Variants in FRMD6 observed in about 807,000 individuals in gnomAD.
The protein encoded by FRMD6 is FERM domain containing 6, also known as FERM domain-containing protein 6.
A neutral mutation model predicts 73.2 loss-of-function variants in FRMD6; 37 were observed. The observed-to-expected ratio is 0.51, with a 90% CI of 0.39 to 0.66. The LOEUF is 0.66. Among genes scored for constraint, FRMD6 ranks in the 30% least tolerant of loss-of-function variants. The probability of loss-of-function intolerance (pLI) is 0.00; values close to 1 mark genes in which losing one functional copy is unlikely to be tolerated. For missense variants in FRMD6, 714 were observed against 780.5 expected, an observed-to-expected ratio of 0.91 and a Z score of 1.02; for synonymous variants, 273 against 282.2, an observed-to-expected ratio of 0.97 and a Z score of 0.33.
At chr14:51,578,276 C>A (rs989564935) in intron 2 of FRMD6, among the ~76,000 whole-genome samples, 1 of 151,998 alleles carries the variant, frequency 6.6e-6, no homozygotes, top group Non-Finnish European at 1.5e-5. Context: ...AAAACTTCCA[C>A]TGAAATATAA....
intron 1 of FRMD6, among the ~76,000 whole-genome samples, chr14:51,518,768 G>A (rs1884780373): frequency 1.3e-5 from 2 of 152,090 alleles, no homozygotes; most frequent in African/African-American, 2.4e-5. Context: ...TTCCCACCTG[G>A]GATATTGCTG....
intron 5 of FRMD6, among the ~76,000 whole-genome samples, chr14:51,703,285 GAT>G (rs1175052504): frequency 2.0e-5 from 3 of 151,998 alleles, no homozygotes; most frequent in Non-Finnish European, 4.4e-5. Context: ...TTTCAGAAGT[GAT>G]TTCTTGGCCG....
In FRMD6 at chr14:51,689,734, G is replaced by A; in HGVS notation, c.-103G>A. 1 of 748,400 alleles carries A rather than the reference G, an allele frequency of 1.3e-6. No homozygotes were observed. Among genetic ancestry groups the A allele is most frequent in the East Asian group, 2.5e-5 (1 of 40,162 alleles). The allele number at this position is 748,400 out of a possible 1,614,324, so 46.4% of individuals were successfully genotyped here. ...CGAACACCGTGATGCTTCTCCTGCA[G>A]GGCGTGTGATGAGGAGGCGAGCTTG... is the stretch of plus-strand genomic sequence containing the variant. On this transcript the variant is annotated 5_prime_UTR_variant, in exon 2 of 14. Coordinates refer to ENST00000344768, the MANE Select transcript of FRMD6 (RefSeq NM_001267046.2).
At chr14:51,576,724 T>A (rs1277431285) in intron 2 of FRMD6, among the ~76,000 whole-genome samples, 1 of 152,172 alleles carries the variant, frequency 6.6e-6, no homozygotes, top group East Asian at 1.9e-4. Flanking sequence ...TCATAGTACT[T>A]AGGAGATCAG....
At chr14:51,426,675 G>A in the FRMD6 span, among the ~76,000 whole-genome samples, 1 of 152,214 alleles carries the variant, frequency 6.6e-6, no homozygotes, top group African/African-American at 2.4e-5. Flanking sequence ...GGTACCGTGA[G>A]ATGGGGGGAG....
intron 2 of FRMD6, among the ~76,000 whole-genome samples, chr14:51,578,501 G>C (rs1345453049): frequency 6.6e-6 from 1 of 152,192 alleles, no homozygotes; most frequent in Non-Finnish European, 1.5e-5. Context: ...TTGCCTCTAA[G>C]CAGAGCATGC....
At chr14:51,558,665 T>A (rs1295222502) in intron 1 of FRMD6, among the ~76,000 whole-genome samples, 1 of 152,198 alleles carries the variant, frequency 6.6e-6, no homozygotes, top group Non-Finnish European at 1.5e-5. Context: ...TATAATTTAA[T>A]CTTTTTTCTT....
intron 6 of FRMD6, among the ~76,000 whole-genome samples, chr14:51,707,802 G>T (rs757828509): frequency 6.6e-6 from 1 of 152,104 alleles, no homozygotes; most frequent in Non-Finnish European, 1.5e-5. Flanking sequence ...TTTTCTCTTG[G>T]TGACTTTAAA....
the FRMD6 span, among the ~76,000 whole-genome samples, chr14:51,416,706 C>T: frequency 6.6e-6 from 1 of 152,166 alleles, no homozygotes; most frequent in African/African-American, 2.4e-5. Flanking sequence ...AGTGGATATC[C>T]TTGTTAACCT....
chr14:51,650,350 C>A (rs1892276613), upstream of FRMD6: 1 of 150,998 alleles, frequency 6.6e-6, no homozygotes, highest in Non-Finnish European at 1.5e-5. Flanking sequence ...CCAGTAACAG[C>A]TGGCTTCATA....
upstream of FRMD6, among the ~76,000 whole-genome samples, chr14:51,647,184 CAGG>C (rs1385099946): frequency 2.0e-5 from 3 of 151,758 alleles, no homozygotes; most frequent in Non-Finnish European, 4.4e-5. Flanking sequence ...ATTTGATGAT[CAGG>C]AGAATAGAAT....
At chr14:51,677,760 C>T (rs1282136886) in intron 1 of FRMD6, among the ~76,000 whole-genome samples, 2 of 152,144 alleles carry the variant, frequency 1.3e-5, no homozygotes, top group African/African-American at 4.8e-5. Flanking sequence ...ACCGCCAGAT[C>T]TAGATGTGGG....
At chr14:51,522,103 A>G (rs1196626608) in intron 1 of FRMD6, among the ~76,000 whole-genome samples, 1 of 152,196 alleles carries the variant, frequency 6.6e-6, no homozygotes, top group Non-Finnish European at 1.5e-5. Flanking sequence ...AAGTGAAAAG[A>G]TAGAATTCTT....
chr14:51,722,023 A>T lies in FRMD6; in HGVS notation c.1435A>T (p.Met479Leu). ...NEESLEVSPD[M>L]CIYITEDMLM... ...AGAGTCTCTGGAAGTCAGCCCAGAC[A>T]TGTGCATCTACATCACAGAGGACAT... Residue 479 changes from methionine to leucine, a missense_variant, in exon 12 of 14, where the codon ATG (methionine) becomes TTG (leucine). Physicochemically the swap from Met to Leu is conservative, Grantham distance 15. Coordinates refer to ENST00000344768, the MANE Select transcript of FRMD6 (RefSeq NM_001267046.2). The T allele has an allele frequency of 6.2e-7, 1 of 1,614,140 alleles. No homozygotes were observed. Among genetic ancestry groups the T allele is most frequent in the Non-Finnish European group, 8.5e-7 (1 of 1,179,992 alleles).
At chr14:51,414,942 G>T in the FRMD6 span, among the ~76,000 whole-genome samples, 5 of 152,094 alleles carry the variant, frequency 3.3e-5, no homozygotes, top group East Asian at 7.7e-4. Context: ...TCATGATTTG[G>T]CTCTCTGTTT....
At position 51,728,048 on chromosome 14, in the gene FRMD6, T is replaced by C. The variant is rs1341479694; in HGVS notation, c.*19T>C. 6.3e-7 allele frequency: 1 copy of C among 1,591,892 alleles called. No individual in the cohort carries two copies. Among genetic ancestry groups the C allele is most frequent in the Non-Finnish European group, 8.6e-7 (1 of 1,164,402 alleles). Reference sequence around the variant, plus strand: ...TGTGTAAAGTCCGTCTGTGTGCAGCTGTACAGGCAGCTTACTGTTTGCTAG... The same window carrying C: ...TGTGTAAAGTCCGTCTGTGTGCAGCCGTACAGGCAGCTTACTGTTTGCTAG... On this transcript the variant is annotated 3_prime_UTR_variant, in exon 14 of 14. Coordinates refer to ENST00000344768, the MANE Select transcript of FRMD6 (RefSeq NM_001267046.2).
At chr14:51,590,350 A>C (rs931944053) in intron 2 of FRMD6, among the ~76,000 whole-genome samples, 1 of 152,140 alleles carries the variant, frequency 6.6e-6, no homozygotes, top group African/African-American at 2.4e-5. Context: ...TTTTGTTTTT[A>C]AACACCTACC....
At chr14:51,459,728 G>C in the FRMD6 span, among the ~76,000 whole-genome samples, 1 of 149,628 alleles carries the variant, frequency 6.7e-6, no homozygotes, top group African/African-American at 2.5e-5. Flanking sequence ...TCGGGAGGCT[G>C]AGGCAGGAGA....
At chr14:51,559,502 C>A (rs1337169314) in intron 1 of FRMD6, among the ~76,000 whole-genome samples, 3 of 151,112 alleles carry the variant, frequency 2.0e-5, no homozygotes, top group Admixed American at 1.3e-4. Context: ...TTTAAGCAAG[C>A]CTTCCTTGTG....
Sources: gnomAD v4.1 joint callset for allele counts (sites outside exome capture counted in the v4.1 genomes callset) on GRCh38, gnomAD v4.1.1 for gene constraint, MANE v1.5 for transcripts, NCBI Gene and HGNC (gene_info 2026-07-23, HGNC 2026-07-21) for gene names.